LY96: variants seen among roughly 807,000 people sequenced by gnomAD.
LY96 encodes lymphocyte antigen 96, also known as myeloid differentiation protein-2.
Under a neutral mutation model 18.9 loss-of-function variants are expected in LY96, and 18 were observed. The ratio of observed to expected loss-of-function variants is 0.95; its 90% CI spans 0.66 to 1.41. The LOEUF is 1.41. Ranked by LOEUF, LY96 falls within the 40% of genes most tolerant of loss-of-function variation. LY96 has a pLI of 0.00. For synonymous variants in LY96, 66 were observed against 62.6 expected (o/e 1.06, Z -0.26); for missense variants, 175 against 182.4 (o/e 0.96, Z 0.23).
the LY96 span, among the ~76,000 whole-genome samples, chr8:74,066,643 A>G: frequency 1.3e-5 from 2 of 152,208 alleles, no homozygotes; most frequent in Non-Finnish European, 2.9e-5. Flanking sequence ...TTAACCTGTC[A>G]GCTTTGATGA....
At chr8:74,070,107 T>C in the LY96 span, among the ~76,000 whole-genome samples, 1 of 152,040 alleles carries the variant, frequency 6.6e-6, no homozygotes, top group Non-Finnish European at 1.5e-5. Flanking sequence ...TCTTTTTTTT[T>C]TTGAGACGCG....
the LY96 span, among the ~76,000 whole-genome samples, chr8:74,081,086 T>TTTC: frequency 9.2e-6 from 1 of 108,744 alleles, no homozygotes; most frequent in African/African-American, 4.4e-5. Flanking sequence ...CTTCTCTTTC[T>TTTC]CTCTTTCTTT....
the LY96 span, among the ~76,000 whole-genome samples, chr8:74,054,065 T>A: frequency 3.3e-5 from 5 of 152,204 alleles, no homozygotes; most frequent in African/African-American, 1.2e-4. Context: ...TCTTGTTCTG[T>A]CATCCAGGCT....
the LY96 span, among the ~76,000 whole-genome samples, chr8:74,046,903 C>CTTTTTT: frequency 1.5e-5 from 2 of 135,172 alleles, no homozygotes; most frequent in Non-Finnish European, 3.2e-5. Flanking sequence ...CATTCTCATT[C>CTTTTTT]TTTTTTTTTT....
the LY96 span, among the ~76,000 whole-genome samples, chr8:74,097,623 C>T: frequency 8.1e-3 from 1,235 of 152,216 alleles, 12 homozygotes; most frequent in South Asian, 0.012. Context: ...GCAGGAGAAT[C>T]GCTTGAACCC....
the LY96 span, among the ~76,000 whole-genome samples, chr8:74,087,559 A>G: frequency 6.6e-6 from 1 of 152,106 alleles, no homozygotes; most frequent in African/African-American, 2.4e-5. Flanking sequence ...ACACTTGGAG[A>G]GTGTTACAAA....
chr8:73,992,491 T>A (rs984198945), intron 1 of LY96, among the ~76,000 whole-genome samples: 4 of 152,258 alleles, frequency 2.6e-5, no homozygotes, highest in African/African-American at 9.6e-5. Flanking sequence ...GGCACCTGTT[T>A]AACCACATTT....
chr8:74,010,366 A>G (rs1229889150), intron 3 of LY96, among the ~76,000 whole-genome samples: 1 of 152,158 alleles, frequency 6.6e-6, no homozygotes, highest in Non-Finnish European at 1.5e-5. Flanking sequence ...CAGATTTTCT[A>G]TACAGTCCTT....
intron 3 of LY96, among the ~76,000 whole-genome samples, chr8:74,022,585 T>C (rs1030479668): frequency 3.3e-5 from 5 of 149,544 alleles, no homozygotes; most frequent in African/African-American, 9.8e-5. Context: ...TTTTTTCTTT[T>C]TTTTTTTTTT....
intron 1 of LY96, among the ~76,000 whole-genome samples, chr8:73,993,434 C>G (rs1816052528): frequency 6.6e-6 from 1 of 152,096 alleles, no homozygotes; most frequent in Non-Finnish European, 1.5e-5. Context: ...TGCCACCACA[C>G]TTGTCTAATT....
At chr8:74,081,045 TCTTTTTCTTTCTTTCTTTCTTA>T in the LY96 span, among the ~76,000 whole-genome samples, 517 of 124,310 alleles carry the variant, frequency 4.2e-3, 10 homozygotes, top group Admixed American at 0.019. Flanking sequence ...TTTCTTTCTT[TCTTTTTCTTTCTTTCTTTCTTA>T]CTTTCTTTCT....
the LY96 span, among the ~76,000 whole-genome samples, chr8:74,040,567 C>T: frequency 6.6e-6 from 1 of 152,116 alleles, no homozygotes; most frequent in East Asian, 1.9e-4. Flanking sequence ...TCCAGTTTTC[C>T]CAGCACCATT....
the LY96 span, among the ~76,000 whole-genome samples, chr8:74,082,290 C>T: frequency 6.6e-6 from 1 of 152,108 alleles, no homozygotes; most frequent in Non-Finnish European, 1.5e-5. Context: ...GGTTTTCATG[C>T]AATTGCACCA....
the LY96 span, chr8:74,056,127 GA>G: frequency 5.8e-6 from 1 of 173,284 alleles, no homozygotes; most frequent in Non-Finnish European, 1.2e-5. Flanking sequence ...GCTGCATTTA[GA>G]AAATTCAAAC....
At chr8:74,059,080 T>A in the LY96 span, among the ~76,000 whole-genome samples, 1 of 152,188 alleles carries the variant, frequency 6.6e-6, no homozygotes, top group Non-Finnish European at 1.5e-5. Context: ...GGGAAGGCCA[T>A]CATCTTTACT....
the LY96 span, among the ~76,000 whole-genome samples, chr8:74,085,091 C>T: frequency 1.3e-5 from 2 of 152,200 alleles, no homozygotes; most frequent in African/African-American, 4.8e-5. Context: ...ATAAGAATAA[C>T]ATTTGTATGC....
intron 1 of LY96, among the ~76,000 whole-genome samples, chr8:73,998,334 C>A (rs1816193375): frequency 6.6e-6 from 1 of 152,022 alleles, no homozygotes; most frequent in Non-Finnish European, 1.5e-5. Context: ...ATCACAGTAT[C>A]ACAAATTCTG....
the LY96 span, among the ~76,000 whole-genome samples, chr8:74,035,984 AT>A: frequency 5.9e-5 from 9 of 152,332 alleles, no homozygotes; most frequent in East Asian, 1.2e-3. Context: ...CCTAGGGCAC[AT>A]GTCATCAGGA....
At chr8:74,065,823 G>C in the LY96 span, among the ~76,000 whole-genome samples, 1,364 of 152,340 alleles carry the variant, frequency 9.0e-3, 24 homozygotes, top group African/African-American at 0.031. Context: ...TTTAAATTAA[G>C]AGGGAACATT....
Sources: gnomAD v4.1 joint callset for allele counts (sites outside exome capture counted in the v4.1 genomes callset) on GRCh38, gnomAD v4.1.1 for gene constraint, MANE v1.5 for transcripts, NCBI Gene and HGNC (gene_info 2026-07-23, HGNC 2026-07-21) for gene names.